TLR5: variants seen among roughly 807,000 people sequenced by gnomAD.
The protein encoded by TLR5 is toll-like receptor 5.
For synonymous variants in TLR5, 373 were observed against 384.4 expected, an observed-to-expected ratio of 0.97 and a Z score of 0.35; for missense variants, 944 against 999.8, an observed-to-expected ratio of 0.94 and a Z score of 0.75.
rs761518354 is a variant in TLR5 at position 223,112,614 on chromosome 1, A to G, written c.418T>C (p.Tyr140His). 9.9e-6 allele frequency: 16 copies of G among 1,614,138 alleles called. No individual in the cohort carries two copies. The East Asian group carries it at 2.9e-4, about 29-fold the overall frequency. ...GTTAAAGCCTTTAAATTTCTGAAAT[A>G]ACCATCTTTCAATACAGCATCAGAG... ...GLSDAVLKDG[Y>H]FRNLKALTRL... The change falls in exon 6 of 6, where the codon TAT (tyrosine) becomes CAT (histidine). Residue 140 changes from tyrosine (Y) to histidine (H), a missense_variant. Tyr to His is a moderately conservative substitution (Grantham distance 83). Coordinates refer to ENST00000642603, the MANE Select transcript of TLR5 (RefSeq NM_003268.6).
rs1041489026 is a variant in TLR5 at position 223,121,084 on chromosome 1, GA to G, written c.-4-8050del. Among the ~76,000 whole-genome samples, 3 of 151,790 alleles carry G rather than the reference GA, an allele frequency of 2.0e-5. No homozygotes were observed. The East Asian group carries it at 5.8e-4, about 29-fold the overall frequency. On this transcript the variant is annotated intron_variant, in intron 5 of 5. Coordinates refer to ENST00000642603, the MANE Select transcript of TLR5 (RefSeq NM_003268.6). Reference sequence around the variant, plus strand: ...GGCGACAGAGCAAGACCCTGCCTTGGAAAAAAAATGTTTAAGAAGGGTCAGT... The same window carrying G: ...GGCGACAGAGCAAGACCCTGCCTTGGAAAAAAATGTTTAAGAAGGGTCAGT...
chr1:223,114,850 G>A (rs971177220), intron 5 of TLR5, among the ~76,000 whole-genome samples: 15 of 152,140 alleles, frequency 9.9e-5, no homozygotes, highest in African/African-American at 3.6e-4. Context: ...ACACAGCAGA[G>A]TCTTTTAAAC....
chr1:223,114,191 G>C (rs1021838364), intron 5 of TLR5, among the ~76,000 whole-genome samples: 9 of 152,226 alleles, frequency 5.9e-5, no homozygotes, highest in Non-Finnish European at 1.2e-4. Flanking sequence ...CTAACCATCT[G>C]TCTGGGTTGA....
At position 223,110,090 on chromosome 1, in the gene TLR5, T is replaced by A. The variant is rs1286212943; in HGVS notation, c.*365A>T. On this transcript the variant is annotated 3_prime_UTR_variant, in exon 6 of 6. Transcript: ENST00000642603. ...GCAGAATCATGGACCATCCCATTTT[T>A]TAGCTGAATGCTAGAGAAAGCACGT... The A allele has an allele frequency of 1.4e-5, 4 of 292,648 alleles. No homozygotes were observed. The highest frequency in any genetic ancestry group is 2.6e-5 in the Non-Finnish European group (4 of 155,564). 18.1% of individuals were successfully genotyped at this position (292,648 alleles called of 1,614,324 possible).
chr1:223,111,738 C>G lies in TLR5; in HGVS notation c.1294G>C (p.Glu432Gln). Residue 432 changes from glutamate to glutamine, a missense_variant, in exon 6 of 6, where the codon GAA becomes CAA. Physicochemically the swap from Glu to Gln is conservative, Grantham distance 29 (BLOSUM62 2). Transcript: ENST00000642603. The stretch of plus-strand genomic sequence containing the variant: ...ATATCTAGATTTTCTAGCCTGTTTT[C>G]TGATAAGTGGATGAGGTTCGCTGTA... ...NLTANLIHLS[E>Q]NRLENLDILY... 1 of 1,614,156 alleles carries G rather than the reference C, an allele frequency of 6.2e-7. No individual in the cohort carries two copies. Among genetic ancestry groups the G allele is most frequent in the Admixed American group, 1.7e-5 (1 of 60,018 alleles).
chr1:223,110,631 T>C lies in TLR5; in HGVS notation c.2401A>G (p.Met801Val). 6.2e-7 allele frequency: 1 copy of C among 1,614,224 alleles called. No homozygotes were observed. Among genetic ancestry groups the C allele is most frequent in the African/African-American group, 1.3e-5 (1 of 75,060 alleles). Residue 801 changes from methionine (M) to valine (V), a missense_variant, in exon 6 of 6, where the codon ATG (methionine) becomes GTG (valine). Coordinates refer to ENST00000642603, the MANE Select transcript of TLR5 (RefSeq NM_003268.6). ...VVGSLSQYQLMKHQSIRGFVQ... is the reference protein window; with the variant it reads ...VVGSLSQYQLVKHQSIRGFVQ... ...AAGCCTCTGATGGATTGATGTTTCA[T>C]CAACTGGTACTGGGACAAGGACCCA...
chr1:223,121,804 G>T (rs1157884574), intron 5 of TLR5, among the ~76,000 whole-genome samples: 3 of 152,200 alleles, frequency 2.0e-5, no homozygotes, highest in Admixed American at 6.5e-5. Context: ...ACAGGCATGT[G>T]CCTGGCCAGT....
chr1:223,142,653 A>T (rs1433331278), intron 1 of TLR5, among the ~76,000 whole-genome samples: 1 of 152,168 alleles, frequency 6.6e-6, no homozygotes, highest in African/African-American at 2.4e-5. Context: ...AAGGCCAGCA[A>T]TATTTACCAC....
intron 5 of TLR5, among the ~76,000 whole-genome samples, chr1:223,130,651 T>C (rs1657364025): frequency 6.6e-6 from 1 of 152,220 alleles, no homozygotes; most frequent in African/African-American, 2.4e-5. Context: ...TATTATACCA[T>C]TGCACCATCT....
At chr1:223,135,270 G>A (rs998470638) in intron 3 of TLR5, among the ~76,000 whole-genome samples, 3 of 152,190 alleles carry the variant, frequency 2.0e-5, no homozygotes, top group Admixed American at 6.5e-5. Flanking sequence ...AGGGACAGGT[G>A]AGGCTGGGGA....
chr1:223,141,806 TATATATATATATATATAG>T (rs71178533), intron 1 of TLR5, 43 bp from the exon 2 acceptor site: 4,886 of 89,186 alleles, frequency 0.055, 114 homozygotes, highest in African/African-American at 0.11. Flanking sequence ...TATATATATA[TATATATATATATATATAG>T]AGAGAGAGAG....
intron 5 of TLR5, among the ~76,000 whole-genome samples, chr1:223,115,333 T>C (rs1342045517): frequency 6.6e-6 from 1 of 152,224 alleles, no homozygotes; most frequent in Non-Finnish European, 1.5e-5. Flanking sequence ...CACTGCAACC[T>C]CCGCCTCCCG....
Position 223,110,376 on chromosome 1 carries a change from C to A in TLR5, c.*79G>T. The A allele has an allele frequency of 6.6e-7, 1 of 1,517,734 alleles. No homozygotes were observed. The highest frequency in any genetic ancestry group is 9.1e-7 in the Non-Finnish European group (1 of 1,100,498). The allele number at this position is 1,517,734 out of a possible 1,614,324, so 94.0% of individuals were successfully genotyped here. A position where few individuals can be genotyped will look rare whatever the true frequency, so the allele number is the denominator to read the frequency against. On this transcript the variant is annotated 3_prime_UTR_variant, in exon 6 of 6. Transcript: ENST00000642603. Reference sequence around the variant, plus strand: ...AGAAAAAAAAAACCTCCAGAGAGGACCCCAAAATGATAACTTGGTGCAAAT... The same window carrying A: ...AGAAAAAAAAAACCTCCAGAGAGGAACCCAAAATGATAACTTGGTGCAAAT...
At chr1:223,118,483 G>A (rs970526635) in intron 5 of TLR5, among the ~76,000 whole-genome samples, 6 of 151,618 alleles carry the variant, frequency 4.0e-5, no homozygotes, top group African/African-American at 1.5e-4. Flanking sequence ...GGAGTCAGAG[G>A]TTGCAGTGAG....
chr1:223,114,433 C>G (rs927763119), intron 5 of TLR5, among the ~76,000 whole-genome samples: 1 of 152,058 alleles, frequency 6.6e-6, no homozygotes, highest in Non-Finnish European at 1.5e-5. Context: ...TTATATAGCT[C>G]AGAGGGCAGG....
chr1:223,115,733 A>G (rs753876804), intron 5 of TLR5, among the ~76,000 whole-genome samples: 1 of 152,198 alleles, frequency 6.6e-6, no homozygotes, highest in African/African-American at 2.4e-5. Context: ...TGGGGGTGCC[A>G]TGGCTCGGGT....
Position 223,112,167 on chromosome 1 carries a change from A to G in TLR5, c.865T>C (p.Ser289Pro). Residue 289 changes from serine (S) to proline (P), a missense_variant, in exon 6 of 6, where the codon TCA (serine) becomes CCA (proline). Ser to Pro is a moderately conservative substitution (Grantham distance 74). Transcript: ENST00000642603. Reference sequence around the variant, plus strand: ...TGTGAAAGATCCAGGTGTCTCACTGAACTTCTGGCCAGGCCAGCAAATGTG... The same window carrying G: ...TGTGAAAGATCCAGGTGTCTCACTGGACTTCTGGCCAGGCCAGCAAATGTG... ...QNTFAGLARS[S>P]VRHLDLSHGF... 6.2e-7 allele frequency: 1 copy of G among 1,614,134 alleles called. No homozygotes were observed. The highest frequency in any genetic ancestry group is 8.5e-7 in the Non-Finnish European group (1 of 1,179,944).
chr1:223,141,848 G>GAGAA (rs1553271508), intron 1 of TLR5, 85 bp from the exon 2 acceptor site: 54 of 135,370 alleles, frequency 4.0e-4, no homozygotes, highest in African/African-American at 1.5e-3. Flanking sequence ...GAGAGAGAGA[G>GAGAA]AGAGAGAGAA....
chr1:223,112,423 G>A lies in TLR5; in HGVS notation c.609C>T (p.Leu203=), dbSNP rs1317264739. 10 of 1,614,048 alleles carry A rather than the reference G, an allele frequency of 6.2e-6. No homozygotes were observed. The highest frequency in any genetic ancestry group is 2.2e-5 in the East Asian group (1 of 44,896). ...LQGKTLSFFS[L]AANSLYSRVS... ...CTCTGCTATACAAGCTATTAGCTGC[G>A]AGGCTAAAAAAGGAGAGCGTTTTCC... is the stretch of plus-strand genomic sequence containing the variant. Residue 203 remains leucine (L), a synonymous_variant, in exon 6 of 6, where the codon CTC becomes CTT. Coordinates refer to ENST00000642603, the MANE Select transcript of TLR5 (RefSeq NM_003268.6).
Sources: gnomAD v4.1 joint callset for allele counts (sites outside exome capture counted in the v4.1 genomes callset) on GRCh38, gnomAD v4.1.1 for gene constraint, MANE v1.5 for transcripts, NCBI Gene and HGNC (gene_info 2026-07-23, HGNC 2026-07-21) for gene names.